Variants in GPLD1 observed in about 807,000 individuals in gnomAD.
The protein encoded by GPLD1 is glycosylphosphatidylinositol specific phospholipase D1, also known as phosphatidylinositol-glycan-specific phospholipase D.
In GPLD1, 84 loss-of-function variants were observed where a neutral mutation model predicts 112.6. The observed-to-expected ratio is 0.75, with a 90% CI of 0.63 to 0.89. The LOEUF (loss-of-function observed/expected upper bound fraction) is 0.89, where lower values mean the gene tolerates loss of function less well. Among genes scored for constraint, GPLD1 ranks in the 40% least tolerant of loss-of-function variants. The pLI, the probability that GPLD1 is intolerant of heterozygous loss-of-function variation, is 0.00. For synonymous variants in GPLD1, 386 were observed against 403.8 expected (o/e 0.96, Z 0.53); for missense variants, 1,044 against 1,051.5 (o/e 0.99, Z 0.10).
At position 24,448,225 on chromosome 6, in the gene GPLD1, A is replaced by G. The variant is rs755588762; in HGVS notation, c.1447-17T>C. The G allele has an allele frequency of 6.4e-7, 1 of 1,567,704 alleles. No individual in the cohort carries two copies. Among genetic ancestry groups the G allele is most frequent in the East Asian group, 2.2e-5 (1 of 44,524 alleles). The stretch of plus-strand genomic sequence containing the variant: ...CACGGCACCCTAGATAAGGACAAAC[A>G]GCAGATAGACATGAGGCTCTGGTGG... On this transcript the variant is annotated splice_polypyrimidine_tract_variant and intron_variant, in intron 15 of 24. Transcript: ENST00000230036.
chr6:24,477,752 A>T lies in GPLD1; in HGVS notation c.233-1474T>A, dbSNP rs551930671. Among the ~76,000 whole-genome samples, 354 of 41,826 alleles carry T rather than the reference A, an allele frequency of 8.5e-3. 3 individuals carry two copies. The highest frequency in any genetic ancestry group is 0.043 in the African/African-American group (323 of 7,578). 27.4% of individuals were successfully genotyped at this position (41,826 alleles called of 152,430 possible). A position where few individuals can be genotyped will look rare whatever the true frequency, so the allele number is the denominator to read the frequency against. ...CTCTAAAAAATGTAAAAATAACTTT[A>T]AAAAAAAGGTGTTTTTTCTTTGGCA... On this transcript the variant is annotated intron_variant, in intron 3 of 24. Transcript: ENST00000230036.
At chr6:24,442,232 C>T (rs1762770137) in intron 20 of GPLD1, among the ~76,000 whole-genome samples, 1 of 151,034 alleles carries the variant, frequency 6.6e-6, no homozygotes, top group African/African-American at 2.4e-5. Context: ...AAGTGATCTT[C>T]CCACCTCAGC....
intron 12 of GPLD1, among the ~76,000 whole-genome samples, chr6:24,459,242 C>T (rs1319202853): frequency 7.4e-6 from 1 of 135,550 alleles, no homozygotes; most frequent in Non-Finnish European, 1.5e-5. Flanking sequence ...AAGCTTTTCT[C>T]CCTGCTATTT....
intron 24 of GPLD1, 93 bp from the exon 25 acceptor site, chr6:24,429,211 T>G (rs1762329833): frequency 1.4e-6 from 1 of 694,808 alleles, no homozygotes; most frequent in East Asian, 2.9e-5. Flanking sequence ...TCTAGAAATA[T>G]AAAGATGAAT....
At chr6:24,467,866 TATTTCTGTGTG>T (rs1763668390) in intron 7 of GPLD1, among the ~76,000 whole-genome samples, 1 of 151,994 alleles carries the variant, frequency 6.6e-6, no homozygotes, top group Non-Finnish European at 1.5e-5. Flanking sequence ...CCTCCCAATC[TATTTCTGTGTG>T]GTTTCTGTGT....
intron 20 of GPLD1, among the ~76,000 whole-genome samples, chr6:24,442,588 G>T (rs774172916): frequency 1.3e-5 from 2 of 151,856 alleles, no homozygotes; most frequent in Non-Finnish European, 2.9e-5. Flanking sequence ...GGGACTACAG[G>T]TGCCCACCAC....
upstream of GPLD1, chr6:24,495,283 G>A (rs753257054): frequency 4.6e-6 from 7 of 1,533,006 alleles, no homozygotes; most frequent in Non-Finnish European, 6.1e-6. Context: ...TGCGGGGTGC[G>A]AGAGGCCCGC....
chr6:24,432,844 G>A (rs987442189), intron 24 of GPLD1, among the ~76,000 whole-genome samples: 2 of 152,154 alleles, frequency 1.3e-5, no homozygotes, highest in Admixed American at 6.5e-5. Flanking sequence ...CTGTGTGGGC[G>A]CTGAAACTGC....
chr6:24,441,040 C>T (rs1033218201), intron 20 of GPLD1, among the ~76,000 whole-genome samples: 3 of 152,106 alleles, frequency 2.0e-5, no homozygotes, highest in Non-Finnish European at 1.5e-5. Flanking sequence ...CAGTGGCTCA[C>T]GCCTGTAATC....
At chr6:24,442,792 G>T (rs1189878168) in intron 20 of GPLD1, among the ~76,000 whole-genome samples, 1 of 151,880 alleles carries the variant, frequency 6.6e-6, no homozygotes, top group African/African-American at 2.4e-5. Context: ...TGTTGCCCAG[G>T]CTGGTCTTGA....
intron 1 of GPLD1, chr6:24,494,924 T>C: frequency 8.0e-7 from 1 of 1,250,034 alleles, no homozygotes; most frequent in East Asian, 3.1e-5. Flanking sequence ...CTCCTCTTGC[T>C]TCCCCGCGAC....
At chr6:24,465,209 A>AAGAAAAG (rs1554132346) in intron 10 of GPLD1, among the ~76,000 whole-genome samples, 4 of 107,278 alleles carry the variant, frequency 3.7e-5, no homozygotes, top group African/African-American at 1.8e-4. Flanking sequence ...AAAAAAAAAA[A>AAGAAAAG]AAAAGAAAAG....
chr6:24,465,154 AC>A (rs1763558224), intron 10 of GPLD1, among the ~76,000 whole-genome samples: 1 of 142,692 alleles, frequency 7.0e-6, no homozygotes, highest in Non-Finnish European at 1.5e-5. Flanking sequence ...CCGAGATCGC[AC>A]CACTGCACTC....
chr6:24,425,690 C>T (rs1762211935), downstream of GPLD1: 2 of 152,166 alleles, frequency 1.3e-5, no homozygotes, highest in Admixed American at 6.5e-5. Flanking sequence ...AGTGAGTAAG[C>T]AATCATATCG....
intron 18 of GPLD1, among the ~76,000 whole-genome samples, chr6:24,446,631 C>CA (rs1762919155): frequency 6.6e-6 from 1 of 152,200 alleles, no homozygotes; most frequent in Admixed American, 6.5e-5. Context: ...GTCTAGCTTC[C>CA]AGAACTGTGA....
chr6:24,458,001 A>C (rs72833097), intron 12 of GPLD1, among the ~76,000 whole-genome samples: 6,555 of 151,994 alleles, frequency 0.043, 184 homozygotes, highest in Non-Finnish European at 0.066. Flanking sequence ...GGGGACAACA[A>C]GCCCCTCAGC....
Position 24,486,012 on chromosome 6 carries a change from T to C in GPLD1, c.153+63A>G. On this transcript the variant is annotated intron_variant, in intron 2 of 24. Coordinates refer to ENST00000230036, the MANE Select transcript of GPLD1 (RefSeq NM_001503.4). ...ACTGTTTAAATATCTGTTAGGATCT[T>C]TGTTTGGCACCTATAAAAGAAAACT... 3.1e-6 allele frequency: 3 copies of C among 968,306 alleles called. No homozygotes were observed. In the South Asian group the frequency reaches 4.2e-5, roughly 13 times the overall value. The allele number at this position is 968,306 out of a possible 1,614,324, so 60.0% of individuals were successfully genotyped here. A position where few individuals can be genotyped will look rare whatever the true frequency, so the allele number is the denominator to read the frequency against.
At position 24,456,626 on chromosome 6, in the gene GPLD1, G is replaced by C. The variant is rs753196118; in HGVS notation, c.1020C>G (p.Ser340=). 3 of 1,597,376 alleles carry C rather than the reference G, an allele frequency of 1.9e-6. No homozygotes were observed. In the African/African-American group the frequency reaches 4.0e-5, roughly 22 times the overall value. The change falls in exon 13 of 25, where the codon TCC becomes TCG. Residue 340 remains serine (S), a synonymous_variant. Transcript: ENST00000230036. ...SVNSWTPDSM[S]FIYKALERNI... Reference sequence around the variant, plus strand: ...TCCTTTCCAAAGCCTTGTAGATAAAGGACATGGAATCCTGAAATAAAAGAA... The same window carrying C: ...TCCTTTCCAAAGCCTTGTAGATAAACGACATGGAATCCTGAAATAAAAGAA...
At chr6:24,430,183 A>T (rs1762358689) in intron 24 of GPLD1, among the ~76,000 whole-genome samples, 1 of 152,198 alleles carries the variant, frequency 6.6e-6, no homozygotes, top group Non-Finnish European at 1.5e-5. Context: ...ATGGTACTTT[A>T]TTCTCCCTCT....
Sources: allele counts gnomAD v4.1 joint callset (sites outside exome capture counted in the v4.1 genomes callset), GRCh38; gene constraint gnomAD v4.1.1; transcripts MANE v1.5; gene names NCBI Gene and HGNC (gene_info 2026-07-23, HGNC 2026-07-21).